Variants in EDN1 observed in about 807,000 individuals in gnomAD.
EDN1 encodes endothelin 1.
In EDN1, 11 loss-of-function variants were observed where a neutral mutation model predicts 21.7. The ratio of observed to expected loss-of-function variants is 0.51; its 90% confidence interval spans 0.32 to 0.84. The LOEUF is 0.84. EDN1 is among the 40% of genes least tolerant of loss of function. The pLI is 0.03. For synonymous variants in EDN1, 85 were observed against 90.6 expected (o/e 0.94, Z 0.35); for missense variants, 244 against 262.3 (o/e 0.93, Z 0.48).
At position 12,290,468 on chromosome 6, in the gene EDN1, C is replaced by G. The variant is rs1007670057; in HGVS notation, c.-162C>G. On this transcript the variant is annotated 5_prime_UTR_variant, in exon 1 of 5. Transcript: ENST00000379375. ...GACGCTCCGCTCGCTGCCTTCTCTC[C>G]TGGCAGGCGCTGCCTTTTCTCCCCG... 3.1e-6 allele frequency: 2 copies of G among 650,486 alleles called. No homozygotes were observed. The highest frequency in any genetic ancestry group is 5.4e-6 in the Non-Finnish European group (2 of 369,762). 40.3% of individuals were successfully genotyped at this position (650,486 alleles called of 1,614,324 possible).
At chr6:12,253,579 T>C in the EDN1 span, among the ~76,000 whole-genome samples, 14 of 152,284 alleles carry the variant, frequency 9.2e-5, 1 homozygote, top group African/African-American at 3.4e-4. Flanking sequence ...GACTTTAATT[T>C]CCAGGAATTT....
the EDN1 span, among the ~76,000 whole-genome samples, chr6:12,272,397 T>G: frequency 6.6e-6 from 1 of 151,748 alleles, no homozygotes; most frequent in Non-Finnish European, 1.5e-5. Flanking sequence ...TGCGACTTCT[T>G]CTCACACTTA....
chr6:12,239,798 A>G, the EDN1 span, among the ~76,000 whole-genome samples: 3 of 152,114 alleles, frequency 2.0e-5, no homozygotes, highest in African/African-American at 7.2e-5. Context: ...GGTCCCAGCT[A>G]TTCAGGAGGC....
chr6:12,239,628 G>C, the EDN1 span, among the ~76,000 whole-genome samples: 3 of 152,188 alleles, frequency 2.0e-5, no homozygotes, highest in Non-Finnish European at 4.4e-5. Context: ...GAGGGAACAG[G>C]CCTGGTGCAG....
At chr6:12,282,594 T>C in the EDN1 span, among the ~76,000 whole-genome samples, 2 of 152,078 alleles carry the variant, frequency 1.3e-5, no homozygotes, top group Admixed American at 1.3e-4. Flanking sequence ...TCCTCCTCCT[T>C]CTTCCTCTCC....
rs532399522 is a variant in EDN1 at position 12,294,146 on chromosome 6, T to C, written c.389+50T>C. On this transcript the variant is annotated intron_variant, in intron 3 of 4. Transcript: ENST00000379375. ...CAATCAGTTTAACAGCCTCCTGAAC[T>C]CCTTCCTATCATGGTACTGCCTTCC... is the stretch of plus-strand genomic sequence containing the variant. 3.2e-5 allele frequency: 51 copies of C among 1,613,928 alleles called. 1 individual carries two copies. The South Asian group carries it at 4.7e-4, about 15-fold the overall frequency.
Position 12,292,399 on chromosome 6 carries a change from C to T in EDN1, c.123C>T (p.Pro41=), listed in dbSNP as rs367902098. 2.5e-6 allele frequency: 4 copies of T among 1,613,970 alleles called. No homozygotes were observed. Among genetic ancestry groups the T allele is most frequent in the Non-Finnish European group, 3.4e-6 (4 of 1,180,054 alleles). The change falls in exon 2 of 5, where the codon CCC becomes CCT. Residue 41 remains proline (P), a synonymous_variant. Transcript: ENST00000379375. ...VGENGGEKPT[P]SPPWRLRRSK... ...AGAACGGCGGGGAGAAACCCACTCC[C>T]AGTCCACCCTGGCGGCTCCGCCGGT...
chr6:12,247,573 C>G, the EDN1 span, among the ~76,000 whole-genome samples: 1 of 132,712 alleles, frequency 7.5e-6, no homozygotes, highest in African/African-American at 2.8e-5. Flanking sequence ...CAGTCTCACT[C>G]CTTCACCCAG....
upstream of EDN1, among the ~76,000 whole-genome samples, chr6:12,287,172 T>C (rs1448024639): frequency 7.2e-6 from 1 of 138,296 alleles, no homozygotes; most frequent in Non-Finnish European, 1.5e-5. Flanking sequence ...CAGCAAACTT[T>C]CTATTGGGGA....
the EDN1 span, among the ~76,000 whole-genome samples, chr6:12,271,814 A>G: frequency 6.6e-6 from 1 of 152,122 alleles, no homozygotes; most frequent in Admixed American, 6.6e-5. Context: ...TTTCTCCTTC[A>G]TTTCTGAAGA....
the EDN1 span, among the ~76,000 whole-genome samples, chr6:12,276,766 G>A: frequency 6.6e-6 from 1 of 152,240 alleles, no homozygotes; most frequent in African/African-American, 2.4e-5. Context: ...AGCTGGACAA[G>A]TTCAAGGCTC....
In EDN1 at chr6:12,296,157, G is replaced by A. The variant is rs974153461; in HGVS notation, c.*90G>A. The A allele has an allele frequency of 5.2e-6, 6 of 1,164,942 alleles. No homozygotes were observed. The African/African-American group carries it at 9.1e-5, about 18-fold the overall frequency. The allele number at this position is 1,164,942 out of a possible 1,614,324, so 72.2% of individuals were successfully genotyped here. Reference sequence around the variant, plus strand: ...CTCCACCCTGGCTGGGATCAGAGCAGGAGCATCCTCTGCTGGTTCCTGACT... The same window carrying A: ...CTCCACCCTGGCTGGGATCAGAGCAAGAGCATCCTCTGCTGGTTCCTGACT... On this transcript the variant is annotated 3_prime_UTR_variant, in exon 5 of 5. Coordinates refer to ENST00000379375, the MANE Select transcript of EDN1 (RefSeq NM_001955.5).
rs5370 is a variant in EDN1 at position 12,296,022 on chromosome 6, G to T, written c.594G>T (p.Lys198Asn). 363,990 of 1,613,552 alleles carry T rather than the reference G, an allele frequency of 0.23. 43,252 individuals carry two copies. The highest frequency in any genetic ancestry group is 0.4 in the South Asian group (36,307 of 91,066). ...TTCATGATCCCAAGCTGAAAGGCAA[G>T]CCCTCCAGAGAGCGTTATGTGACCC... ...SSFHDPKLKGKPSRERYVTHN... is the reference protein window; with the variant it reads ...SSFHDPKLKGNPSRERYVTHN... The change falls in exon 5 of 5, where the codon AAG becomes AAT. Residue 198 changes from lysine (K) to asparagine (N), a missense_variant. Coordinates refer to ENST00000379375, the MANE Select transcript of EDN1 (RefSeq NM_001955.5).
chr6:12,293,485 G>A (rs550077733), intron 2 of EDN1, among the ~76,000 whole-genome samples: 1 of 152,304 alleles, frequency 6.6e-6, no homozygotes, highest in South Asian at 2.1e-4. Context: ...GGCACTTTTA[G>A]CAGTATCCTC....
chr6:12,232,175 A>C, the EDN1 span, among the ~76,000 whole-genome samples: 1,532 of 125,890 alleles, frequency 0.012, 15 homozygotes, highest in Non-Finnish European at 0.022. Context: ...AATATAATAA[A>C]GTGTATATTA....
the EDN1 span, among the ~76,000 whole-genome samples, chr6:12,269,876 G>T: frequency 1.3e-5 from 2 of 151,976 alleles, no homozygotes; most frequent in Non-Finnish European, 2.9e-5. Context: ...AATTTGAAAA[G>T]AATTGATGTT....
the EDN1 span, among the ~76,000 whole-genome samples, chr6:12,240,806 G>A: frequency 6.6e-6 from 1 of 152,206 alleles, no homozygotes; most frequent in South Asian, 2.1e-4. Flanking sequence ...ACTATAAAGA[G>A]CAGTGGTGTA....
the EDN1 span, among the ~76,000 whole-genome samples, chr6:12,271,703 T>C: frequency 6.6e-5 from 10 of 152,254 alleles, no homozygotes; most frequent in Non-Finnish European, 1.5e-5. Context: ...GTAATTATTG[T>C]CCTTTTGCTT....
chr6:12,290,955 G>A (rs2327543), intron 1 of EDN1, among the ~76,000 whole-genome samples: 6,715 of 152,124 alleles, frequency 0.044, 229 homozygotes, highest in East Asian at 0.14. Context: ...ATTCCATTAT[G>A]TGTTTCCTTG....
Sources: gnomAD v4.1 joint callset for allele counts (sites outside exome capture counted in the v4.1 genomes callset) on GRCh38, gnomAD v4.1.1 for gene constraint, MANE v1.5 for transcripts, NCBI Gene and HGNC (gene_info 2026-07-23, HGNC 2026-07-21) for gene names.